Variants in FSTL5 observed in about 807,000 individuals in gnomAD.
FSTL5 encodes the protein follistatin-related protein 5.
FSTL5 carries 62 observed loss-of-function variants against 89.1 expected under a neutral mutation model. That is an observed-to-expected ratio of 0.70 (90% CI 0.57 to 0.86). The LOEUF (loss-of-function observed/expected upper bound fraction) is 0.86. FSTL5 is among the 40% of genes least tolerant of loss of function. The pLI, the probability that FSTL5 is intolerant of heterozygous loss-of-function variation, is 0.00. For missense variants in FSTL5, 1,057 were observed against 1,001.6 expected (o/e 1.06, Z -0.75); for synonymous variants, 383 against 346.2 (o/e 1.11, Z -1.18).
At chr4:161,702,176 A>C (rs979814322) in intron 6 of FSTL5, among the ~76,000 whole-genome samples, 16 of 152,142 alleles carry the variant, frequency 1.1e-4, no homozygotes, top group African/African-American at 3.6e-4. Context: ...ATGTTATTGA[A>C]ATTCATTGCT....
intron 7 of FSTL5, among the ~76,000 whole-genome samples, chr4:161,615,030 C>T (rs1414768784): frequency 2.0e-5 from 3 of 152,002 alleles, no homozygotes; most frequent in African/African-American, 4.8e-5. Context: ...CGCGGTGGCT[C>T]ATGCCTGTAA....
intron 4 of FSTL5, among the ~76,000 whole-genome samples, chr4:161,815,402 A>G (rs1448944937): frequency 6.6e-6 from 1 of 152,096 alleles, no homozygotes; most frequent in Non-Finnish European, 1.5e-5. Context: ...AGAGAGAGAC[A>G]ATATTTAATT....
At chr4:161,982,364 T>A (rs1220729574) in intron 3 of FSTL5, among the ~76,000 whole-genome samples, 1 of 152,182 alleles carries the variant, frequency 6.6e-6, no homozygotes, top group Non-Finnish European at 1.5e-5. Flanking sequence ...CCTGTAAAAA[T>A]GTCTGTTGTA....
chr4:162,057,709 C>T (rs968455302), intron 2 of FSTL5, among the ~76,000 whole-genome samples: 40 of 151,966 alleles, frequency 2.6e-4, no homozygotes, highest in African/African-American at 9.4e-4. Flanking sequence ...TTTGGGAGGC[C>T]GAGGTGGGCA....
At chr4:161,992,105 C>T (rs79675732) in intron 3 of FSTL5, among the ~76,000 whole-genome samples, 1 of 152,278 alleles carries the variant, frequency 6.6e-6, no homozygotes, top group Non-Finnish European at 1.5e-5. Flanking sequence ...GATTAAAAGG[C>T]AGGAACATAT....
intron 2 of FSTL5, among the ~76,000 whole-genome samples, chr4:162,064,832 C>CCTGA (rs1442083798): frequency 6.6e-6 from 1 of 151,942 alleles, no homozygotes. Flanking sequence ...CCTCCCACCT[C>CCTGA]CTGAAAACCA....
chr4:161,547,501 G>T (rs1397371879), intron 8 of FSTL5, among the ~76,000 whole-genome samples: 1 of 151,820 alleles, frequency 6.6e-6, no homozygotes, highest in Non-Finnish European at 1.5e-5. Context: ...TTAGAAGAAA[G>T]AATAATTAGT....
At chr4:161,982,189 G>T (rs764194724) in intron 3 of FSTL5, among the ~76,000 whole-genome samples, 7 of 152,160 alleles carry the variant, frequency 4.6e-5, no homozygotes, top group Non-Finnish European at 1.0e-4. Flanking sequence ...AACTTGTTGA[G>T]CCCTGGTTTG....
chr4:161,598,518 C>T (rs1317237233), intron 7 of FSTL5, among the ~76,000 whole-genome samples: 3 of 152,058 alleles, frequency 2.0e-5, no homozygotes, highest in Non-Finnish European at 4.4e-5. Context: ...GATGATTTGC[C>T]TCTATCATAT....
At chr4:161,688,786 G>A (rs957941638) in intron 6 of FSTL5, among the ~76,000 whole-genome samples, 6 of 151,768 alleles carry the variant, frequency 4.0e-5, no homozygotes. Context: ...AATGTTTATT[G>A]CCAGAATCAA....
At chr4:161,794,837 G>T (rs944932814) in intron 4 of FSTL5, among the ~76,000 whole-genome samples, 1 of 152,046 alleles carries the variant, frequency 6.6e-6, no homozygotes, top group Non-Finnish European at 1.5e-5. Flanking sequence ...TAAATACCAA[G>T]ATAAAAAACC....
chr4:161,413,275 AAAAAAAAATAAAG>A (rs754982427), intron 15 of FSTL5, among the ~76,000 whole-genome samples: 1 of 20,880 alleles, frequency 4.8e-5, no homozygotes, highest in African/African-American at 1.4e-4. Context: ...AAAAAAAAAA[AAAAAAAAATAAAG>A]ACACACAAGT....
At chr4:161,984,372 A>C (rs1735906345) in intron 3 of FSTL5, among the ~76,000 whole-genome samples, 1 of 152,048 alleles carries the variant, frequency 6.6e-6, no homozygotes, top group Non-Finnish European at 1.5e-5. Context: ...CATAAATTAT[A>C]TATATGTTGT....
intron 3 of FSTL5, chr4:162,032,563 T>A (rs1737575743): frequency 6.6e-6 from 1 of 152,150 alleles, no homozygotes; most frequent in South Asian, 2.1e-4. Flanking sequence ...AATGCATGTG[T>A]TTTTTATTCT....
At chr4:161,472,450 T>C (rs1399492890) in intron 13 of FSTL5, among the ~76,000 whole-genome samples, 2 of 152,150 alleles carry the variant, frequency 1.3e-5, no homozygotes, top group Non-Finnish European at 2.9e-5. Flanking sequence ...TGATTTGAGA[T>C]ATTTCTTGAT....
intron 6 of FSTL5, among the ~76,000 whole-genome samples, chr4:161,671,378 T>C (rs900038384): frequency 6.6e-6 from 1 of 152,194 alleles, no homozygotes; most frequent in Non-Finnish European, 1.5e-5. Flanking sequence ...TTTCTTACTG[T>C]TATTGCCTCT....
chr4:161,832,973 A>T (rs1409354280), intron 4 of FSTL5, among the ~76,000 whole-genome samples: 3 of 148,944 alleles, frequency 2.0e-5, no homozygotes, highest in African/African-American at 7.4e-5. Context: ...TTGTGATGTT[A>T]GGGTGTCAAT....
chr4:161,450,716 T>C (rs918767202), intron 15 of FSTL5, among the ~76,000 whole-genome samples: 52 of 151,998 alleles, frequency 3.4e-4, no homozygotes, highest in Admixed American at 7.2e-4. Flanking sequence ...CATAATTGAC[T>C]ATTACGAGAA....
At chr4:161,780,863 C>A (rs1741640931) in intron 4 of FSTL5, among the ~76,000 whole-genome samples, 1 of 152,144 alleles carries the variant, frequency 6.6e-6, no homozygotes, top group African/African-American at 2.4e-5. Context: ...GTTCTTATCT[C>A]TTTGAAATGA....
Sources: gnomAD v4.1 joint callset for allele counts (sites outside exome capture counted in the v4.1 genomes callset) on GRCh38, gnomAD v4.1.1 for gene constraint, MANE v1.5 for transcripts, NCBI Gene and HGNC (gene_info 2026-07-23, HGNC 2026-07-21) for gene names.